The following PKHD1L1 variants were observed in gnomAD, a reference collection of about 807,000 sequenced individuals.
The protein encoded by PKHD1L1 is fibrocystin-L.
In PKHD1L1, 434 loss-of-function variants were observed where a neutral mutation model predicts 462.9. The ratio of observed to expected loss-of-function variants is 0.94; its 90% CI spans 0.87 to 1.02. The LOEUF is 1.02. PKHD1L1 is among the 50% of genes least tolerant of loss of function. PKHD1L1 has a pLI of 0.00. For synonymous variants in PKHD1L1, 1,781 were observed against 1,750.0 expected, an observed-to-expected ratio of 1.02 and a Z score of -0.44; for missense variants, 5,202 against 5,096.1, an observed-to-expected ratio of 1.02 and a Z score of -0.63.
At chr8:109,466,821 C>T in intron 50 of PKHD1L1, 52 bp downstream of exon 50, 1 of 1,471,586 alleles carries the variant, frequency 6.8e-7, no homozygotes, top group Non-Finnish European at 9.2e-7. Flanking sequence ...TCTTCCTAAA[C>T]TTTTGTCATC....
intron 50 of PKHD1L1, 104 bp from the exon 51 acceptor site, chr8:109,475,014 G>T: frequency 9.3e-7 from 1 of 1,071,666 alleles, no homozygotes; most frequent in Non-Finnish European, 1.3e-6. Flanking sequence ...ACCAACATTT[G>T]CTAAACCAAC....
chr8:109,469,523 A>C (rs1477458847), intron 50 of PKHD1L1, among the ~76,000 whole-genome samples: 1 of 152,298 alleles, frequency 6.6e-6, no homozygotes, highest in African/African-American at 2.4e-5. Flanking sequence ...AGAAGCTAGA[A>C]GGCAAAGGAG....
At chr8:109,372,554 G>A (rs1328134709) in intron 2 of PKHD1L1, among the ~76,000 whole-genome samples, 1 of 152,162 alleles carries the variant, frequency 6.6e-6, no homozygotes, top group African/African-American at 2.4e-5. Context: ...GAATAGGAGT[G>A]GTGAGAGAGG....
intron 6 of PKHD1L1, among the ~76,000 whole-genome samples, chr8:109,385,900 C>A (rs1370546167): frequency 6.6e-6 from 1 of 151,926 alleles, no homozygotes; most frequent in Non-Finnish European, 1.5e-5. Flanking sequence ...ACAGACAAGT[C>A]CAATAGTAAT....
rs1383684831 is a variant in PKHD1L1, at chr8:109,404,731, T to A, written c.1533+18T>A. On this transcript the variant is annotated intron_variant, in intron 15 of 77. Transcript: ENST00000378402. ...AAGTACAGGTTTGCTATGATTGCAGTTCCTCTTACAGAAAGTAAATGTTCG... is the reference window on the plus strand; with the variant it reads ...AAGTACAGGTTTGCTATGATTGCAGATCCTCTTACAGAAAGTAAATGTTCG... 3 of 1,578,388 alleles carry A rather than the reference T, an allele frequency of 1.9e-6. No individual in the cohort carries two copies. Among genetic ancestry groups the A allele is most frequent in the Non-Finnish European group, 2.6e-6 (3 of 1,163,566 alleles).
At chr8:109,380,498 A>T (rs372677992) in intron 2 of PKHD1L1, among the ~76,000 whole-genome samples, 79 of 152,252 alleles carry the variant, frequency 5.2e-4, no homozygotes, top group African/African-American at 1.9e-3. Flanking sequence ...TTATTCAAGG[A>T]CTTGTCTAGT....
Position 109,441,356 on chromosome 8 carries a change from T to A in PKHD1L1, c.4181T>A (p.Ile1394Asn). The A allele has an allele frequency of 1.3e-6, 2 of 1,569,722 alleles. No individual in the cohort carries two copies. Among genetic ancestry groups the A allele is most frequent in the South Asian group, 2.3e-5 (2 of 86,416 alleles). The change falls in exon 34 of 78, where the codon ATT becomes AAT. Residue 1394 changes from isoleucine to asparagine, a missense_variant. Around this residue, in one of 3 missense-constraint regions of PKHD1L1, gnomAD observed 4,497 missense variants for 4,336.8 expected, o/e 1.04. Coordinates refer to ENST00000378402, the MANE Select transcript of PKHD1L1 (RefSeq NM_177531.6). ...CATTCAACTGGGAATATATTCAGGA[T>A]TACCAACAATGGGAAAGATTCAGGT... ...ILHSTGNIFR[I>N]TNNGKDSVHG...
At chr8:109,452,902 A>T in intron 43 of PKHD1L1, 28 bp downstream of exon 43, 1 of 1,325,828 alleles carries the variant, frequency 7.5e-7, no homozygotes, top group Non-Finnish European at 9.8e-7. Flanking sequence ...TGTTCATTGG[A>T]CTCTGCCTGA....
intron 23 of PKHD1L1, among the ~76,000 whole-genome samples, chr8:109,421,760 G>A (rs1264133102): frequency 1.3e-5 from 2 of 152,082 alleles, no homozygotes; most frequent in Admixed American, 6.5e-5. Context: ...CTTCAGCCTC[G>A]GCGACAGAGC....
rs766066946 is a variant in PKHD1L1, at chr8:109,479,629, T to C, written c.9168T>C (p.Ile3056=). Residue 3056 remains isoleucine (I), a synonymous_variant, in exon 54 of 78, where the codon ATT becomes ATC. Transcript: ENST00000378402. ...TACCTCACCCAGGGGCAAATGTGAT[T>C]ATACCTGAAGGTAAATGCGTAAACA... ...YTVPHPGANV[I]IPEGTWIVAD... The C allele has an allele frequency of 1.8e-5, 27 of 1,501,846 alleles. No individual in the cohort carries two copies. Among genetic ancestry groups the C allele is most frequent in the East Asian group, 4.6e-5 (2 of 43,772 alleles). The allele number at this position is 1,501,846 out of a possible 1,614,324, so 93.0% of individuals were successfully genotyped here.
chr8:109,456,435 A>G (rs758391170), intron 46 of PKHD1L1, 44 bp downstream of exon 46: 11 of 1,522,384 alleles, frequency 7.2e-6, no homozygotes, highest in African/African-American at 1.4e-5. Context: ...TAGAAAAGAA[A>G]TTTTTATACT....
At chr8:109,467,658 T>A (rs1485415031) in intron 50 of PKHD1L1, among the ~76,000 whole-genome samples, 1 of 152,108 alleles carries the variant, frequency 6.6e-6, no homozygotes, top group Non-Finnish European at 1.5e-5. Flanking sequence ...ATCATCTCTC[T>A]AGAAATTATT....
At chr8:109,410,420 A>G (rs1189147933) in intron 19 of PKHD1L1, among the ~76,000 whole-genome samples, 1 of 152,126 alleles carries the variant, frequency 6.6e-6, no homozygotes, top group Non-Finnish European at 1.5e-5. Flanking sequence ...ACTCTCAATC[A>G]TGGTGAAGGC....
At position 109,498,746 on chromosome 8, in the gene PKHD1L1, C is replaced by T. The variant is rs1586627643; in HGVS notation, c.10803C>T (p.Ala3601=). 3 of 1,613,518 alleles carry T rather than the reference C, an allele frequency of 1.9e-6. No individual in the cohort carries two copies. Among genetic ancestry groups the T allele is most frequent in the Non-Finnish European group, 2.5e-6 (3 of 1,179,544 alleles). Reference sequence around the variant, plus strand: ...ATGCAGGAATCATGAGTTACAATGCCATCAGTGGCCTTTTGGACATCTCAG... The same window carrying T: ...ATGCAGGAATCATGAGTTACAATGCTATCAGTGGCCTTTTGGACATCTCAG... The part of the protein sequence containing the change: ...KPHAGIMSYN[A]ISGLLDISGS... The change falls in exon 67 of 78, where the codon GCC becomes GCT. Residue 3601 remains alanine (A), a synonymous_variant. Transcript: ENST00000378402.
At chr8:109,456,445 T>C in intron 46 of PKHD1L1, 54 bp downstream of exon 46, 3 of 1,493,146 alleles carry the variant, frequency 2.0e-6, no homozygotes, top group Non-Finnish European at 1.8e-6. Context: ...ATTTTTATAC[T>C]GTATAAAGAG....
intron 71 of PKHD1L1, 83 bp downstream of exon 71, chr8:109,511,017 G>A: frequency 1.4e-6 from 2 of 1,434,648 alleles, no homozygotes; most frequent in Non-Finnish European, 9.5e-7. Flanking sequence ...CTCCTCCCCT[G>A]TTCTAACATT....
At chr8:109,441,623 T>C (rs1815799138) in intron 34 of PKHD1L1, among the ~76,000 whole-genome samples, 1 of 152,146 alleles carries the variant, frequency 6.6e-6, no homozygotes, top group Non-Finnish European at 1.5e-5. Flanking sequence ...TTTGCTCTAG[T>C]ACAGAAACTC....
In PKHD1L1 at chr8:109,445,290, T is replaced by C; in HGVS notation, c.5421T>C (p.Val1807=). 1 of 1,614,018 alleles carries C rather than the reference T, an allele frequency of 6.2e-7. No individual in the cohort carries two copies. Among genetic ancestry groups the C allele is most frequent in the Non-Finnish European group, 8.5e-7 (1 of 1,179,882 alleles). ...NITALVTPLP[V]GHHSVSVVVG... is the part of the protein sequence containing the mutation. ...CTGCTCTTGTGACTCCTCTCCCAGTTGGACATCATTCTGTTAGTGTTGTGG... is the reference window on the plus strand; with the variant it reads ...CTGCTCTTGTGACTCCTCTCCCAGTCGGACATCATTCTGTTAGTGTTGTGG... The change falls in exon 38 of 78, where the codon GTT becomes GTC. Residue 1807 remains valine, a synonymous_variant. Transcript: ENST00000378402.
At chr8:109,511,020 C>G (rs997316507) in intron 71 of PKHD1L1, 86 bp downstream of exon 71, 3 of 1,417,520 alleles carry the variant, frequency 2.1e-6, no homozygotes, top group South Asian at 1.3e-5. Context: ...CTCCCCTGTT[C>G]TAACATTGTC....
Sources: gnomAD v4.1 joint callset for allele counts (sites outside exome capture counted in the v4.1 genomes callset) on GRCh38, gnomAD v4.1.1 for gene constraint, gnomAD v4.1.1 regional missense constraint, MANE v1.5 for transcripts, NCBI Gene and HGNC (gene_info 2026-07-23, HGNC 2026-07-21) for gene names.